The following DOCK4 variants were observed in gnomAD, a reference collection of about 807,000 sequenced individuals.
DOCK4 encodes dedicator of cytokinesis protein 4.
Under a neutral mutation model 268.1 loss-of-function variants are expected in DOCK4, and 97 were observed. The observed-to-expected ratio is 0.36, with a 90% CI of 0.31 to 0.43. DOCK4 has a LOEUF of 0.43. Ranked by LOEUF, DOCK4 falls within the 20% of genes least tolerant of loss-of-function variation. The probability of loss-of-function intolerance (pLI) is 1.00; values close to 1 mark genes in which losing one functional copy is unlikely to be tolerated. For missense variants in DOCK4, 2,145 were observed against 2,455.7 expected, an observed-to-expected ratio of 0.87 and a Z score of 2.67; for synonymous variants, 954 against 887.2, an observed-to-expected ratio of 1.08 and a Z score of -1.34.
intron 23 of DOCK4, among the ~76,000 whole-genome samples, chr7:111,849,959 C>G (rs535501563): frequency 1.3e-5 from 2 of 152,218 alleles, no homozygotes; most frequent in East Asian, 3.9e-4. Flanking sequence ...CCACACACAC[C>G]GTGCCCACAT....
intron 1 of DOCK4, among the ~76,000 whole-genome samples, chr7:112,042,139 A>T (rs753870807): frequency 6.0e-4 from 90 of 150,100 alleles, no homozygotes; most frequent in Non-Finnish European, 1.1e-3. Context: ...TTTCTTAAAT[A>T]AAAAAAAAAG....
At chr7:112,037,151 T>C (rs1338475923) in intron 1 of DOCK4, among the ~76,000 whole-genome samples, 1 of 152,224 alleles carries the variant, frequency 6.6e-6, no homozygotes, top group Non-Finnish European at 1.5e-5. Flanking sequence ...TTACATGAGA[T>C]ATTCAACACT....
In DOCK4 at chr7:111,832,157, G is replaced by A. The variant is rs147153235; in HGVS notation, c.2835+2431C>T. 5.9e-4 allele frequency among the ~76,000 whole-genome samples: 90 copies of A among 152,194 alleles called. 2 individuals are homozygous for A. Among genetic ancestry groups the A allele is most frequent in the African/African-American group, 1.7e-3 (71 of 41,536 alleles). ...GGGTAGAGAGTGTGCTGTGTCAGTC[G>A]GGGCATTCAGGTGATATTTTAATAG... On this transcript the variant is annotated intron_variant, in intron 26 of 52. Coordinates refer to ENST00000428084, the MANE Select transcript of DOCK4 (RefSeq NM_001363540.2).
chr7:111,886,194 T>C (rs2134319829), intron 16 of DOCK4, among the ~76,000 whole-genome samples: 1 of 152,286 alleles, frequency 6.6e-6, no homozygotes, highest in Non-Finnish European at 1.5e-5. Context: ...ATTAAAAAAA[T>C]ACAGTATGGT....
chr7:111,875,903 A>G (rs1456692459), intron 17 of DOCK4, among the ~76,000 whole-genome samples: 1 of 152,174 alleles, frequency 6.6e-6, no homozygotes, highest in Non-Finnish European at 1.5e-5. Context: ...AAGTAATACA[A>G]CCCCAAAATA....
intron 1 of DOCK4, among the ~76,000 whole-genome samples, chr7:112,009,908 C>G (rs1019347815): frequency 6.6e-6 from 1 of 152,188 alleles, no homozygotes; most frequent in Non-Finnish European, 1.5e-5. Context: ...CCTCCACTTC[C>G]CAGGCTCAAG....
intron 27 of DOCK4, chr7:111,819,450 C>T (rs1323583440): frequency 2.0e-5 from 3 of 152,044 alleles, no homozygotes; most frequent in Non-Finnish European, 1.5e-5. Context: ...CTACAGCAAA[C>T]AAGAAAGAGA....
At chr7:111,816,711 A>G (rs1563544322) in intron 27 of DOCK4, among the ~76,000 whole-genome samples, 1 of 152,212 alleles carries the variant, frequency 6.6e-6, no homozygotes, top group South Asian at 2.1e-4. Context: ...TGTATGTTAA[A>G]TGACTGTGGC....
chr7:111,951,725 G>A (rs1006553554), intron 8 of DOCK4, among the ~76,000 whole-genome samples: 4 of 151,626 alleles, frequency 2.6e-5, no homozygotes, highest in African/African-American at 9.7e-5. Flanking sequence ...TATAATCCCA[G>A]GCACTCAGTA....
intron 49 of DOCK4, among the ~76,000 whole-genome samples, chr7:111,738,850 A>G (rs1203313358): frequency 1.3e-5 from 2 of 152,120 alleles, no homozygotes; most frequent in African/African-American, 4.8e-5. Context: ...AGACAGGAGA[A>G]TTGCTTGAAC....
intron 4 of DOCK4, among the ~76,000 whole-genome samples, chr7:111,995,959 T>A (rs1799923665): frequency 6.6e-6 from 1 of 152,220 alleles, no homozygotes; most frequent in South Asian, 2.1e-4. Flanking sequence ...GTATATGACA[T>A]TTTTAAATGG....
At chr7:111,849,877 T>C (rs911179551) in intron 23 of DOCK4, among the ~76,000 whole-genome samples, 3 of 152,174 alleles carry the variant, frequency 2.0e-5, no homozygotes, top group Admixed American at 6.5e-5. Flanking sequence ...TTCCTGATCC[T>C]TTCTGAAGCC....
intron 6 of DOCK4, among the ~76,000 whole-genome samples, chr7:111,988,253 A>G (rs1310229671): frequency 6.6e-6 from 1 of 152,180 alleles, no homozygotes; most frequent in Admixed American, 6.5e-5. Context: ...GTGGGTTATT[A>G]AGGAACCATG....
At chr7:111,954,653 T>C (rs1398973491) in intron 8 of DOCK4, among the ~76,000 whole-genome samples, 1 of 152,170 alleles carries the variant, frequency 6.6e-6, no homozygotes, top group African/African-American at 2.4e-5. Context: ...AGGGAGACTG[T>C]CCGGGTACTA....
chr7:111,988,903 T>A (rs934522866), intron 6 of DOCK4, 112 bp downstream of exon 6: 1 of 1,422,916 alleles, frequency 7.0e-7, no homozygotes, highest in Admixed American at 2.5e-5. Flanking sequence ...ACAGGAAACA[T>A]GAAAAAGCCC....
intron 27 of DOCK4, chr7:111,821,473 T>C (rs562295061): frequency 8.3e-4 from 127 of 152,346 alleles, no homozygotes; most frequent in African/African-American, 2.9e-3. Flanking sequence ...CTTGAGACTA[T>C]GGAGACAGGA....
intron 15 of DOCK4, among the ~76,000 whole-genome samples, chr7:111,897,676 C>T (rs896270896): frequency 3.9e-5 from 6 of 152,126 alleles, no homozygotes; most frequent in Admixed American, 3.3e-4. Context: ...GGATCCTCCC[C>T]ACCCCCCAGT....
chr7:112,162,270 C>T (rs1817195122), intron 1 of DOCK4, among the ~76,000 whole-genome samples: 1 of 152,092 alleles, frequency 6.6e-6, no homozygotes, highest in African/African-American at 2.4e-5. Context: ...GCCAGCACTC[C>T]TCCCCTGCAG....
At position 111,784,571 on chromosome 7, in the gene DOCK4, A is replaced by AT. The variant is rs1220119728; in HGVS notation, c.3402-449dup. ...TTCATTTTGTCACTAATCACAGAGG[A>AT]TTTTCCATGTGGTTGTTACAGCAGA... On this transcript the variant is annotated intron_variant, in intron 32 of 52. Coordinates refer to ENST00000428084, the MANE Select transcript of DOCK4 (RefSeq NM_001363540.2). 3.0e-5 allele frequency: 13 copies of AT among 427,400 alleles called. No individual in the cohort carries two copies. The Admixed American group carries it at 3.3e-4, about 11-fold the overall frequency. The allele number at this position is 427,400 out of a possible 1,614,324, so 26.5% of individuals were successfully genotyped here.
Sources: allele counts gnomAD v4.1 joint callset (sites outside exome capture counted in the v4.1 genomes callset), GRCh38; gene constraint gnomAD v4.1.1; transcripts MANE v1.5; gene names NCBI Gene and HGNC (gene_info 2026-07-23, HGNC 2026-07-21).